Variants in PEX7 observed in about 807,000 individuals in gnomAD.
PEX7 encodes peroxisomal biogenesis factor 7.
Under a neutral mutation model 47.5 loss-of-function variants are expected in PEX7, and 34 were observed. That is an observed-to-expected ratio of 0.72 (90% confidence interval 0.54 to 0.95). The LOEUF (loss-of-function observed/expected upper bound fraction) is 0.95, where lower values mean the gene tolerates loss of function less well. PEX7 is among the 40% of genes least tolerant of loss of function. PEX7 has a pLI of 0.00. For synonymous variants in PEX7, 141 were observed against 148.8 expected (o/e 0.95, Z 0.38); for missense variants, 394 against 400.3 (o/e 0.98, Z 0.13).
intron 8 of PEX7, among the ~76,000 whole-genome samples, chr6:136,885,987 C>T (rs1436660149): frequency 2.0e-5 from 3 of 152,166 alleles, no homozygotes; most frequent in Non-Finnish European, 4.4e-5. Flanking sequence ...TACACAAATA[C>T]TGGTACATAG....
At chr6:136,839,096 A>G (rs1457315558) in intron 3 of PEX7, among the ~76,000 whole-genome samples, 2 of 152,100 alleles carry the variant, frequency 1.3e-5, no homozygotes, top group Admixed American at 1.3e-4. Flanking sequence ...TGGGAGGATC[A>G]ATTGAGCCCA....
chr6:136,895,365 TA>T lies in PEX7; in HGVS notation c.804-2776del, dbSNP rs554676234. 1.1e-4 allele frequency among the ~76,000 whole-genome samples: 17 copies of T among 152,344 alleles called. No individual in the cohort carries two copies. The South Asian group carries it at 3.5e-3, about 32-fold the overall frequency. On this transcript the variant is annotated intron_variant, in intron 8 of 9. Coordinates refer to ENST00000318471, the MANE Select transcript of PEX7 (RefSeq NM_000288.4). ...TTGTATAATTTACTGTATTTAACAA[TA>T]TTTTTGATATTTCACTACTGAATAT...
chr6:136,828,851 T>TA (rs1188046309), intron 3 of PEX7, among the ~76,000 whole-genome samples: 1 of 152,256 alleles, frequency 6.6e-6, no homozygotes, highest in Non-Finnish European at 1.5e-5. Context: ...GTAACACACT[T>TA]ACCTCTTTTG....
At chr6:136,880,401 G>A (rs1461592513) in intron 8 of PEX7, among the ~76,000 whole-genome samples, 1 of 151,998 alleles carries the variant, frequency 6.6e-6, no homozygotes, top group Admixed American at 6.6e-5. Flanking sequence ...TTCACTCATA[G>A]GATGCACTTT....
At position 136,902,856 on chromosome 6, in the gene PEX7, G is replaced by A. The variant is rs1438175549; in HGVS notation, c.903+4615G>A. Among the ~76,000 whole-genome samples the A allele has an allele frequency of 2.0e-5, 3 of 151,906 alleles. No individual in the cohort carries two copies. In the East Asian group the frequency reaches 5.8e-4, roughly 29 times the overall value. ...TACATATCTTTATACATTCTTTTGG[G>A]GGCATAGTTATTTATTATTTTAATC... On this transcript the variant is annotated intron_variant, in intron 9 of 9. Transcript: ENST00000318471.
intron 5 of PEX7, among the ~76,000 whole-genome samples, chr6:136,850,741 G>A (rs9402852): frequency 1.3e-5 from 2 of 152,062 alleles, no homozygotes; most frequent in Admixed American, 6.6e-5. Context: ...TTGTCAATGA[G>A]CAGGTTGAGC....
intron 3 of PEX7, among the ~76,000 whole-genome samples, chr6:136,845,180 T>C (rs1034663984): frequency 5.3e-5 from 8 of 152,230 alleles, no homozygotes; most frequent in African/African-American, 1.9e-4. Flanking sequence ...ACCTGGTTCC[T>C]GCAAGCTTTT....
chr6:136,910,455 C>T (rs1467340062), intron 9 of PEX7, among the ~76,000 whole-genome samples: 1 of 152,068 alleles, frequency 6.6e-6, no homozygotes, highest in Non-Finnish European at 1.5e-5. Flanking sequence ...GGGAAGCGAT[C>T]AGTAAAGGAA....
At chr6:136,849,102 T>G (rs1346778408) in intron 5 of PEX7, among the ~76,000 whole-genome samples, 1 of 152,190 alleles carries the variant, frequency 6.6e-6, no homozygotes, top group East Asian at 1.9e-4. Context: ...GTCAAGGAAT[T>G]TATCCATTTC....
intron 3 of PEX7, among the ~76,000 whole-genome samples, chr6:136,836,690 C>T (rs762843097): frequency 1.5e-4 from 23 of 152,190 alleles, no homozygotes; most frequent in Non-Finnish European, 2.4e-4. Context: ...TAGTGGTTCA[C>T]GCCTGTAATC....
intron 5 of PEX7, among the ~76,000 whole-genome samples, chr6:136,853,723 A>G (rs1349827874): frequency 1.3e-5 from 2 of 152,188 alleles, no homozygotes; most frequent in African/African-American, 2.4e-5. Context: ...TACAGGGAGC[A>G]TGACTGAGGT....
intron 3 of PEX7, among the ~76,000 whole-genome samples, chr6:136,842,280 C>G (rs986039981): frequency 6.6e-6 from 1 of 152,226 alleles, no homozygotes; most frequent in African/African-American, 2.4e-5. Flanking sequence ...CAGGCGTGAG[C>G]CACCACACTC....
At chr6:136,873,264 G>A (rs1207190901) in intron 8 of PEX7, among the ~76,000 whole-genome samples, 2 of 152,108 alleles carry the variant, frequency 1.3e-5, no homozygotes, top group Admixed American at 6.6e-5. Context: ...GTGTGGATGT[G>A]CTATAGTTTA....
chr6:136,832,560 G>C (rs528586739), intron 3 of PEX7, among the ~76,000 whole-genome samples: 2 of 152,220 alleles, frequency 1.3e-5, no homozygotes, highest in East Asian at 1.9e-4. Context: ...TCATGGTTAG[G>C]TTGCAAATTT....
intron 5 of PEX7, among the ~76,000 whole-genome samples, chr6:136,865,611 C>T (rs1266918627): frequency 6.6e-6 from 1 of 152,160 alleles, no homozygotes; most frequent in African/African-American, 2.4e-5. Context: ...AACTCCATCT[C>T]TACTAAAAAT....
intron 5 of PEX7, among the ~76,000 whole-genome samples, chr6:136,846,651 T>C (rs1229771441): frequency 6.6e-6 from 1 of 152,212 alleles, no homozygotes; most frequent in Non-Finnish European, 1.5e-5. Flanking sequence ...GCTTTGTCCA[T>C]GTCCCTACAA....
chr6:136,835,135 G>A (rs1391295954), intron 3 of PEX7, among the ~76,000 whole-genome samples: 1 of 151,922 alleles, frequency 6.6e-6, no homozygotes, highest in Non-Finnish European at 1.5e-5. Flanking sequence ...GTGTTGGTCA[G>A]GCTGGTCTTG....
intron 8 of PEX7, among the ~76,000 whole-genome samples, chr6:136,885,889 T>G (rs765274861): frequency 2.0e-5 from 3 of 152,222 alleles, no homozygotes; most frequent in Non-Finnish European, 2.9e-5. Context: ...ATTTTAAAAC[T>G]TGATGGCTCA....
chr6:136,856,405 G>T (rs558121168), intron 5 of PEX7, among the ~76,000 whole-genome samples: 1 of 152,116 alleles, frequency 6.6e-6, no homozygotes. Flanking sequence ...TTATAGGCAT[G>T]GTTGAATGTA....
Sources: allele counts gnomAD v4.1 joint callset (sites outside exome capture counted in the v4.1 genomes callset), GRCh38; gene constraint gnomAD v4.1.1; transcripts MANE v1.5; gene names NCBI Gene and HGNC (gene_info 2026-07-23, HGNC 2026-07-21).